The following TSC22D1 variants were observed in gnomAD, a reference collection of about 807,000 sequenced individuals.
The protein encoded by TSC22D1 is TSC22 domain family member 1, also known as TSC22 domain family protein 1.
A neutral mutation model predicts 74.2 loss-of-function variants in TSC22D1; 9 were observed. The observed-to-expected ratio is 0.12, with a 90% confidence interval of 0.07 to 0.21. The LOEUF is 0.21. Among genes scored for constraint, TSC22D1 ranks in the 10% least tolerant of loss-of-function variants. The pLI is 1.00. For missense variants in TSC22D1, 1,427 were observed against 1,304.7 expected (o/e 1.09, Z -1.44); for synonymous variants, 586 against 492.5 (o/e 1.19, Z -2.51).
chr13:44,443,186 G>C (rs937903414), intron 1 of TSC22D1, among the ~76,000 whole-genome samples: 1 of 151,954 alleles, frequency 6.6e-6, no homozygotes, highest in Non-Finnish European at 1.5e-5. Flanking sequence ...CTTACTATCA[G>C]TGATAAAATC....
At chr13:44,439,400 A>G (rs1016923894) in intron 1 of TSC22D1, among the ~76,000 whole-genome samples, 1 of 152,256 alleles carries the variant, frequency 6.6e-6, no homozygotes, top group Non-Finnish European at 1.5e-5. Context: ...GAGAAGACAT[A>G]ATTTGAAAAA....
intron 1 of TSC22D1, among the ~76,000 whole-genome samples, chr13:44,531,172 C>T (rs987166636): frequency 6.6e-6 from 1 of 152,116 alleles, no homozygotes; most frequent in African/African-American, 2.4e-5. Context: ...AAATATAACA[C>T]ACTAACACAA....
chr13:44,566,026 T>C (rs1226198375), intron 1 of TSC22D1, among the ~76,000 whole-genome samples: 2 of 152,210 alleles, frequency 1.3e-5, no homozygotes, highest in Non-Finnish European at 1.5e-5. Context: ...GAATGTCTAA[T>C]GCATTCCAGG....
chr13:44,521,272 C>T (rs1457361505), intron 1 of TSC22D1, among the ~76,000 whole-genome samples: 1 of 152,184 alleles, frequency 6.6e-6, no homozygotes, highest in East Asian at 1.9e-4. Context: ...GAAACCTAGG[C>T]AATTCCATTG....
chr13:44,573,132 G>C (rs1454523481), intron 1 of TSC22D1, 31 bp downstream of exon 1: 2 of 1,600,528 alleles, frequency 1.2e-6, no homozygotes, highest in African/African-American at 1.3e-5. Context: ...CAAATCTGTT[G>C]AATGTCTCCA....
At chr13:44,528,997 T>C (rs1217375660) in intron 1 of TSC22D1, among the ~76,000 whole-genome samples, 2 of 152,080 alleles carry the variant, frequency 1.3e-5, no homozygotes, top group African/African-American at 4.8e-5. Flanking sequence ...AACCTTCCCA[T>C]GTAGAGTTCT....
intron 1 of TSC22D1, among the ~76,000 whole-genome samples, chr13:44,517,778 C>CACATATATAT (rs1225034647): frequency 8.8e-6 from 1 of 113,764 alleles, no homozygotes; most frequent in Non-Finnish European, 1.8e-5. Context: ...TATATATATA[C>CACATATATAT]ACATATATAT....
chr13:44,574,621 C>G lies in TSC22D1; in HGVS notation c.1454G>C (p.Gly485Ala), dbSNP rs1463523613. 3 of 1,613,964 alleles carry G rather than the reference C, an allele frequency of 1.9e-6. No homozygotes were observed. The East Asian group carries it at 6.7e-5, about 36-fold the overall frequency. Reference protein sequence around the residue: ...STLSHYTESVGSGEMGAPTVV... With the variant: ...STLSHYTESVASGEMGAPTVV... The stretch of plus-strand genomic sequence containing the variant: ...AGTAGGGGCTCCCATCTCTCCACTT[C>G]CCACACTCTCTGTATAGTGACTCAG... Residue 485 changes from glycine to alanine, a missense_variant, in exon 1 of 3, where the codon GGA becomes GCA. Transcript: ENST00000458659.
At chr13:44,492,134 G>T (rs899119320) in intron 1 of TSC22D1, among the ~76,000 whole-genome samples, 20 of 151,398 alleles carry the variant, frequency 1.3e-4, no homozygotes, top group Admixed American at 2.6e-4. Flanking sequence ...CTACAATGGG[G>T]TTACATTCTT....
intron 1 of TSC22D1, among the ~76,000 whole-genome samples, chr13:44,443,388 T>C (rs1875365424): frequency 6.6e-6 from 1 of 152,066 alleles, no homozygotes; most frequent in Non-Finnish European, 1.5e-5. Context: ...ATTAAGACTT[T>C]TTCAGACATA....
At chr13:44,490,419 C>G (rs1281697547) in intron 1 of TSC22D1, among the ~76,000 whole-genome samples, 1 of 147,936 alleles carries the variant, frequency 6.8e-6, no homozygotes, top group African/African-American at 2.5e-5. Context: ...AATAATTCAT[C>G]AAGTGATATG....
In TSC22D1 at chr13:44,574,946, C is replaced by A. The variant is rs1233147155; in HGVS notation, c.1129G>T (p.Ala377Ser). Residue 377 changes from alanine to serine, a missense_variant, in exon 1 of 3, where the codon GCT (alanine) becomes TCT (serine). Physicochemically the swap from Ala to Ser is moderately conservative, Grantham distance 99 (BLOSUM62 1). Transcript: ENST00000458659. ...MGNGTISSSA[A>S]VSSVPNAAAG... Reference sequence around the variant, plus strand: ...GCTGCATTAGGAACACTGCTAACAGCAGCAGAGGAAGAAATAGTACCATTG... The same window carrying A: ...GCTGCATTAGGAACACTGCTAACAGAAGCAGAGGAAGAAATAGTACCATTG... 3 of 1,613,984 alleles carry A rather than the reference C, an allele frequency of 1.9e-6. No homozygotes were observed. The highest frequency in any genetic ancestry group is 2.5e-6 in the Non-Finnish European group (3 of 1,180,028).
intron 2 of TSC22D1, 37 bp downstream of exon 2, chr13:44,436,007 C>A: frequency 6.3e-7 from 1 of 1,593,432 alleles, no homozygotes; most frequent in Non-Finnish European, 8.6e-7. Flanking sequence ...TGTGCTGTGC[C>A]CACATTTAGT....
chr13:44,563,684 A>C (rs1883186770), intron 1 of TSC22D1, among the ~76,000 whole-genome samples: 1 of 152,224 alleles, frequency 6.6e-6, no homozygotes, highest in Admixed American at 6.5e-5. Flanking sequence ...ACTTCAAGTA[A>C]CACTGCTTTT....
chr13:44,456,663 C>G (rs4942331), intron 1 of TSC22D1, among the ~76,000 whole-genome samples: 6 of 151,686 alleles, frequency 4.0e-5, no homozygotes, highest in Admixed American at 3.9e-4. Flanking sequence ...GTGTAGGGAA[C>G]TGAAGAAACT....
chr13:44,486,813 A>T (rs914192694), intron 1 of TSC22D1, among the ~76,000 whole-genome samples: 28 of 152,218 alleles, frequency 1.8e-4, no homozygotes, highest in Admixed American at 2.0e-4. Context: ...AAGCACCCAC[A>T]CTGGATAATT....
chr13:44,492,221 A>G (rs1334432496), intron 1 of TSC22D1, among the ~76,000 whole-genome samples: 1 of 150,666 alleles, frequency 6.6e-6, no homozygotes, highest in East Asian at 1.9e-4. Flanking sequence ...ATCATAGCTT[A>G]GCCTAGCCTA....
intron 1 of TSC22D1, among the ~76,000 whole-genome samples, chr13:44,507,208 A>C (rs1372653376): frequency 1.3e-5 from 2 of 152,218 alleles, no homozygotes; most frequent in East Asian, 3.8e-4. Context: ...AGAACTAAGG[A>C]GATAACCTTT....
intron 1 of TSC22D1, among the ~76,000 whole-genome samples, chr13:44,447,037 A>G (rs1434149704): frequency 6.6e-6 from 1 of 152,132 alleles, no homozygotes; most frequent in Non-Finnish European, 1.5e-5. Flanking sequence ...TTTCATGTGC[A>G]GATCTGAAAC....
Sources: gnomAD v4.1 joint callset for allele counts (sites outside exome capture counted in the v4.1 genomes callset) on GRCh38, gnomAD v4.1.1 for gene constraint, MANE v1.5 for transcripts, NCBI Gene and HGNC (gene_info 2026-07-23, HGNC 2026-07-21) for gene names.